RAPGEF3: variants seen among roughly 807,000 people sequenced by gnomAD.
RAPGEF3 encodes the protein 9330170P05Rik.
Under a neutral mutation model 129.8 loss-of-function variants are expected in RAPGEF3, and 103 were observed. The observed-to-expected ratio is 0.79, with a 90% CI of 0.68 to 0.93. RAPGEF3 has a LOEUF of 0.93. RAPGEF3 is among the 40% of genes least tolerant of loss of function. RAPGEF3 has a pLI of 0.00. For synonymous variants in RAPGEF3, 436 were observed against 482.6 expected, an observed-to-expected ratio of 0.90 and a Z score of 1.26; for missense variants, 1,117 against 1,207.4, an observed-to-expected ratio of 0.93 and a Z score of 1.11.
chr12:47,758,146 G>A, intron 1 of RAPGEF3, 68 bp from the exon 2 acceptor site: 1 of 1,509,502 alleles, frequency 6.6e-7, no homozygotes, highest in Non-Finnish European at 8.9e-7. Context: ...CAGTACAACT[G>A]CCCCAGGCAG....
intron 2 of RAPGEF3, among the ~76,000 whole-genome samples, chr12:47,756,748 A>T (rs1232986904): frequency 6.6e-6 from 1 of 152,166 alleles, no homozygotes; most frequent in African/African-American, 2.4e-5. Context: ...AGGTGGGCAG[A>T]TCACGAGGTC....
At position 47,737,449 on chromosome 12, in the gene RAPGEF3, C is replaced by T. The variant is rs972864668; in HGVS notation, c.*118G>A. The T allele has an allele frequency of 1.1e-5, 9 of 840,460 alleles. No individual in the cohort carries two copies. The highest frequency in any genetic ancestry group is 6.8e-5 in the African/African-American group (4 of 58,856). The allele number at this position is 840,460 out of a possible 1,614,324, so 52.1% of individuals were successfully genotyped here. On this transcript the variant is annotated 3_prime_UTR_variant, in exon 28 of 28. Transcript: ENST00000449771. ...CTCCACACTGCCTGCTCCAGGGACT[C>T]GAGTCCACTCCACGGAGAGCCTTGC...
rs753989739 is a variant in RAPGEF3 at position 47,751,387 on chromosome 12, G to A, written c.502+12C>T. The A allele has an allele frequency of 6.2e-7, 1 of 1,613,690 alleles. No homozygotes were observed. Among genetic ancestry groups the A allele is most frequent in the South Asian group, 1.1e-5 (1 of 91,050 alleles). The stretch of plus-strand genomic sequence containing the variant: ...CCCAGCCCGGGGCACCCCACCCTGG[G>A]CTCGGGCTCACCATGGCAGAGGGCA... On this transcript the variant is annotated intron_variant, in intron 5 of 27. Transcript: ENST00000449771.
chr12:47,740,872 C>T lies in RAPGEF3; in HGVS notation c.2049+43G>A, dbSNP rs1264969379. 8 of 1,613,476 alleles carry T rather than the reference C, an allele frequency of 5.0e-6. No homozygotes were observed. The Admixed American group carries it at 5.0e-5, about 10-fold the overall frequency. On this transcript the variant is annotated intron_variant, in intron 20 of 27. Transcript: ENST00000449771. ...TCAGCGAGTGCTGAGCCGAGCCGGG[C>T]GCCCCGCCGCCTGCTCTCCTCCCCC...
chr12:47,757,519 T>C (rs1942147353), intron 2 of RAPGEF3, among the ~76,000 whole-genome samples: 1 of 152,072 alleles, frequency 6.6e-6, no homozygotes, highest in Non-Finnish European at 1.5e-5. Flanking sequence ...CTCCAACCCA[T>C]TGACCCGGCC....
At position 47,737,662 on chromosome 12, in the gene RAPGEF3, G is replaced by T; in HGVS notation, c.2677C>A (p.Arg893=). ...STCSEQSLST[R]SPASTWAYVQ... ...TAAGCCCAGGTGCTGGCTGGACTCC[G>T]GGTGCTCAGGGACTGCTCCGAGCCT... Residue 893 remains arginine (R), a synonymous_variant, in exon 28 of 28, where the codon CGG becomes AGG. Transcript: ENST00000449771. 1 of 1,613,202 alleles carries T rather than the reference G, an allele frequency of 6.2e-7. No individual in the cohort carries two copies. The highest frequency in any genetic ancestry group is 8.5e-7 in the Non-Finnish European group (1 of 1,179,898).
chr12:47,747,506 G>A (rs762669937), intron 15 of RAPGEF3, 38 bp downstream of exon 15: 1 of 1,599,932 alleles, frequency 6.3e-7, no homozygotes, highest in South Asian at 1.1e-5. Context: ...GGCACTGCCA[G>A]TTATGGAAAT....
At position 47,739,138 on chromosome 12, in the gene RAPGEF3, GT is replaced by G; in HGVS notation, c.2461+4del. On this transcript the variant is annotated splice_donor_region_variant and intron_variant, in intron 24 of 27. Transcript: ENST00000449771. ...TGGAGGGATGGAGGCAGGAAGCCCT[GT>G]TACCTTTGAGAAGAAGGGGCATGAA... is the stretch of plus-strand genomic sequence containing the variant. 1 of 1,585,834 alleles carries G rather than the reference GT, an allele frequency of 6.3e-7. No individual in the cohort carries two copies. Among genetic ancestry groups the G allele is most frequent in the Non-Finnish European group, 8.6e-7 (1 of 1,160,822 alleles).
At chr12:47,740,847 T>C in intron 20 of RAPGEF3, 24 bp from the exon 21 acceptor site, 2 of 1,613,434 alleles carry the variant, frequency 1.2e-6, no homozygotes, top group Non-Finnish European at 1.7e-6. Context: ...GCAGGAGAGG[T>C]CAGCGAGTGC....
Position 47,748,096 on chromosome 12 carries a change from G to T in RAPGEF3, c.1300C>A (p.Leu434Ile), listed in dbSNP as rs1227273282. 1 of 1,588,130 alleles carries T rather than the reference G, an allele frequency of 6.3e-7. No individual in the cohort carries two copies. The highest frequency in any genetic ancestry group is 8.6e-7 in the Non-Finnish European group (1 of 1,166,862). ...TATTGGTGCAGAAGGGCAGCGCAGA[G>T]TTGGGCGCTGGGCATGAAGACCCTG... ...THRVFMPSAQ[L>I]CAALLHHFHV... Residue 434 changes from leucine to isoleucine, a missense_variant, in exon 13 of 28, where the codon CTC becomes ATC. By Grantham distance (5) the Leu-to-Ile change is conservative. This residue lies in a region of RAPGEF3 where 643 missense variants were observed against 673.4 expected (regional missense o/e 0.95). Coordinates refer to ENST00000449771, the MANE Select transcript of RAPGEF3 (RefSeq NM_001098531.4).
intron 23 of RAPGEF3, chr12:47,739,736 A>C: frequency 2.7e-6 from 1 of 363,816 alleles, no homozygotes; most frequent in East Asian, 6.3e-5. Flanking sequence ...CTAGCCCGCA[A>C]GCCCCTCGGA....
At chr12:47,747,900 G>A (rs1941515351) in intron 13 of RAPGEF3, 38 bp from the exon 14 acceptor site, 1 of 1,598,864 alleles carries the variant, frequency 6.3e-7, no homozygotes, top group Admixed American at 1.7e-5. Flanking sequence ...ATCCAAGCAG[G>A]GCCACCCACC....
In RAPGEF3 at chr12:47,739,221, A is replaced by G. The variant is rs778728122; in HGVS notation, c.2383T>C (p.Trp795Arg). The part of the protein sequence containing the change: ...SALERLLDPS[W>R]NHRVYRLALA... Reference sequence around the variant, plus strand: ...GCCAGTCGGTATACCCGGTGGTTCCATGAGGGATCCTAGGGGAAGAAGCCA... The same window carrying G: ...GCCAGTCGGTATACCCGGTGGTTCCGTGAGGGATCCTAGGGGAAGAAGCCA... The change falls in exon 24 of 28, where the codon TGG (tryptophan) becomes CGG (arginine). Residue 795 changes from tryptophan to arginine, a missense_variant. By Grantham distance (101) the Trp-to-Arg change is moderately radical. Transcript: ENST00000449771. 1.2e-6 allele frequency: 2 copies of G among 1,610,968 alleles called. No homozygotes were observed. Among genetic ancestry groups the G allele is most frequent in the African/African-American group, 2.7e-5 (2 of 74,784 alleles).
chr12:47,758,815 C>A lies in RAPGEF3; in HGVS notation c.-259G>T. On this transcript the variant is annotated 5_prime_UTR_variant, in exon 1 of 28. Transcript: ENST00000449771. Reference sequence around the variant, plus strand: ...CCCAGCCACCGGCGACAGGGAGCCCCGAGCCTGCGCCTTCGTCTCAGACGA... The same window carrying A: ...CCCAGCCACCGGCGACAGGGAGCCCAGAGCCTGCGCCTTCGTCTCAGACGA... 1.6e-6 allele frequency: 2 copies of A among 1,229,460 alleles called. No homozygotes were observed. The highest frequency in any genetic ancestry group is 2.0e-6 in the Non-Finnish European group (2 of 983,414). The allele number at this position is 1,229,460 out of a possible 1,614,324, so 76.2% of individuals were successfully genotyped here. A position where few individuals can be genotyped will look rare whatever the true frequency, so the allele number is the denominator to read the frequency against.
At position 47,749,417 on chromosome 12, in the gene RAPGEF3, G is replaced by A; in HGVS notation, c.1014C>T (p.Asp338=). 1 of 1,613,074 alleles carries A rather than the reference G, an allele frequency of 6.2e-7. No individual in the cohort carries two copies. The highest frequency in any genetic ancestry group is 8.5e-7 in the Non-Finnish European group (1 of 1,179,998). ...TGATGATACGGTTGAAGTCCTGCTT[G>A]TCCACACGCAGGAAATGACAGTTGT... ...REDNCHFLRV[D]KQDFNRIIKD... The change falls in exon 10 of 28, where the codon GAC becomes GAT. Residue 338 remains aspartate (D), a synonymous_variant. Transcript: ENST00000449771. This position sits in a 1 kb window ranked among gnomAD's most constrained non-coding sequence, Gnocchi z 4.5.
At chr12:47,752,373 G>A (rs1331138209) in intron 2 of RAPGEF3, among the ~76,000 whole-genome samples, 2 of 152,224 alleles carry the variant, frequency 1.3e-5, no homozygotes, top group Non-Finnish European at 2.9e-5. Context: ...CAGCTCAGGA[G>A]GCCTGGGAAC....
At chr12:47,748,783 G>T in intron 11 of RAPGEF3, 36 bp downstream of exon 11, 1 of 1,419,970 alleles carries the variant, frequency 7.0e-7, no homozygotes, top group Non-Finnish European at 1.0e-6. Flanking sequence ...ATGAAAGGAG[G>T]GACAGTGTGG....
intron 17 of RAPGEF3, 67 bp from the exon 18 acceptor site, chr12:47,743,743 G>A (rs1565754283): frequency 1.4e-5 from 22 of 1,559,966 alleles, no homozygotes; most frequent in East Asian, 4.5e-5. Context: ...GGGAGAGGGC[G>A]GCTATTGCAG....
intron 17 of RAPGEF3, 140 bp from the exon 18 acceptor site, chr12:47,743,816 G>C: frequency 7.2e-7 from 1 of 1,385,916 alleles, no homozygotes; most frequent in Admixed American, 2.0e-5. Context: ...GCAAAAAAGA[G>C]GCAGGTAGGA....
Sources: allele counts gnomAD v4.1 joint callset (sites outside exome capture counted in the v4.1 genomes callset), GRCh38; gene constraint gnomAD v4.1.1; regional missense constraint gnomAD v4.1.1; non-coding constraint Gnocchi (gnomAD v3.1); transcripts MANE v1.5; gene names NCBI Gene and HGNC (gene_info 2026-07-23, HGNC 2026-07-21).